ZBTB20: variants seen among roughly 807,000 people sequenced by gnomAD.
The protein encoded by ZBTB20 is zinc finger and BTB domain-containing protein 20.
ZBTB20 carries 9 observed loss-of-function variants against 56.9 expected under a neutral mutation model. That is an observed-to-expected ratio of 0.16 (90% CI 0.10 to 0.28). The LOEUF (loss-of-function observed/expected upper bound fraction) is 0.28, where lower values mean the gene tolerates loss of function less well. Among genes scored for constraint, ZBTB20 ranks in the 10% least tolerant of loss-of-function variants. ZBTB20 has a pLI of 1.00. For missense variants in ZBTB20, 655 were observed against 1,003.0 expected (o/e 0.65, Z 4.69); for synonymous variants, 417 against 420.7 (o/e 0.99, Z 0.11).
chr3:115,140,753 G>C (rs1165490136), intron 1 of ZBTB20, among the ~76,000 whole-genome samples: 1 of 152,062 alleles, frequency 6.6e-6, no homozygotes, highest in African/African-American at 2.4e-5. Flanking sequence ...TGGGTACCAA[G>C]AGTTTCAAAA....
At chr3:115,061,399 T>C (rs2082006304) in intron 2 of ZBTB20, among the ~76,000 whole-genome samples, 1 of 152,154 alleles carries the variant, frequency 6.6e-6, no homozygotes, top group East Asian at 1.9e-4. Flanking sequence ...ATGCAAGTTT[T>C]TAAAAAAATT....
intron 6 of ZBTB20, among the ~76,000 whole-genome samples, chr3:114,578,772 G>C (rs2054346981): frequency 6.6e-6 from 1 of 151,200 alleles, no homozygotes; most frequent in Non-Finnish European, 1.5e-5. Flanking sequence ...ATTACCCAAG[G>C]TCCTCATTAA....
intron 7 of ZBTB20, among the ~76,000 whole-genome samples, chr3:114,390,774 G>A (rs2085787936): frequency 6.6e-6 from 1 of 152,320 alleles, no homozygotes; most frequent in East Asian, 1.9e-4. Flanking sequence ...TAGCATCTAT[G>A]AGGCACCTGG....
At position 114,319,961 on chromosome 3, in the gene ZBTB20, G is replaced by C. The variant is rs1238977325; in HGVS notation, c.*19044C>G. The stretch of plus-strand genomic sequence containing the variant: ...TGTGGAAATCCAGTGGTATGAGGAA[G>C]GCTGGGGTTATTTCCTCCATACTTT... On this transcript the variant is annotated 3_prime_UTR_variant, in exon 12 of 12. Coordinates refer to ENST00000675478, the MANE Select transcript of ZBTB20 (RefSeq NM_001348800.3). 1 of 152,094 alleles carries C rather than the reference G, an allele frequency of 6.6e-6. No homozygotes were observed. The highest frequency in any genetic ancestry group is 6.6e-5 in the Admixed American group (1 of 15,266). The allele number at this position is 152,094 out of a possible 1,614,324, so 9.4% of individuals were successfully genotyped here. A position where few individuals can be genotyped will look rare whatever the true frequency, so the allele number is the denominator to read the frequency against.
At chr3:115,020,378 T>A (rs577718652) in intron 2 of ZBTB20, among the ~76,000 whole-genome samples, 1 of 151,246 alleles carries the variant, frequency 6.6e-6, no homozygotes, top group South Asian at 2.1e-4. Flanking sequence ...TTAAATCCCA[T>A]GAAAGTAGCT....
chr3:115,013,906 A>ATG (rs1201506234), intron 2 of ZBTB20, among the ~76,000 whole-genome samples: 5 of 106,390 alleles, frequency 4.7e-5, no homozygotes, highest in Non-Finnish European at 6.7e-5. Flanking sequence ...AGCAATCCCT[A>ATG]TATGTGTGTG....
At chr3:114,830,633 A>T (rs2073789301) in intron 4 of ZBTB20, among the ~76,000 whole-genome samples, 1 of 151,956 alleles carries the variant, frequency 6.6e-6, no homozygotes, top group South Asian at 2.1e-4. Flanking sequence ...AGATTAGTAC[A>T]ATTATCCCAA....
chr3:115,004,964 CCA>C (rs1404897041), intron 2 of ZBTB20, among the ~76,000 whole-genome samples: 2 of 151,380 alleles, frequency 1.3e-5, no homozygotes, highest in Non-Finnish European at 3.0e-5. Flanking sequence ...CCATTTCTTT[CCA>C]AATGTTAAAC....
chr3:114,631,382 CTTTTTTTTT>C lies in ZBTB20; in HGVS notation c.-295+62137_-295+62145del, dbSNP rs66470152. ...TGGGGTGGCTCTTAAATAGGTTATT[CTTTTTTTTT>C]TTTTTTTTTTTTTTTTTTTGAGATG... On this transcript the variant is annotated intron_variant, in intron 6 of 11. Coordinates refer to ENST00000675478, the MANE Select transcript of ZBTB20 (RefSeq NM_001348800.3). Among the ~76,000 whole-genome samples the C allele has an allele frequency of 9.5e-3, 471 of 49,814 alleles. 4 individuals are homozygous for C. The highest frequency in any genetic ancestry group is 0.091 in the Middle Eastern group (2 of 22). 32.7% of individuals were successfully genotyped at this position (49,814 alleles called of 152,430 possible). A position where few individuals can be genotyped will look rare whatever the true frequency, so the allele number is the denominator to read the frequency against.
chr3:114,841,753 C>T (rs924767438), intron 4 of ZBTB20, among the ~76,000 whole-genome samples: 3 of 152,094 alleles, frequency 2.0e-5, no homozygotes, highest in Non-Finnish European at 4.4e-5. Context: ...GTCTGTGAGT[C>T]ATCCAAGAGA....
At chr3:114,480,594 G>A (rs2041421957) in intron 7 of ZBTB20, among the ~76,000 whole-genome samples, 1 of 152,138 alleles carries the variant, frequency 6.6e-6, no homozygotes, top group Non-Finnish European at 1.5e-5. Context: ...AGCAAAGGGT[G>A]GTCAGGTTTG....
intron 5 of ZBTB20, among the ~76,000 whole-genome samples, chr3:114,727,828 T>A (rs2065420525): frequency 6.6e-6 from 1 of 152,116 alleles, no homozygotes. Context: ...GCTATATAAT[T>A]ACAAAGTATA....
At chr3:114,787,389 A>ACACC (rs2070622500) in intron 5 of ZBTB20, among the ~76,000 whole-genome samples, 1 of 146,452 alleles carries the variant, frequency 6.8e-6, no homozygotes, top group African/African-American at 2.5e-5. Context: ...ACACACACAC[A>ACACC]CACATATATA....
chr3:114,702,207 G>A (rs1042919689), intron 5 of ZBTB20, among the ~76,000 whole-genome samples: 3 of 152,088 alleles, frequency 2.0e-5, no homozygotes, highest in Admixed American at 6.6e-5. Flanking sequence ...AGCAGGCATG[G>A]TGGCACGTGC....
At position 114,331,105 on chromosome 3, in the gene ZBTB20, A is replaced by ATGTGTG. The variant is rs58242110; in HGVS notation, c.*7894_*7899dup. 5,548 of 148,596 alleles carry ATGTGTG rather than the reference A, an allele frequency of 0.037. 135 individuals are homozygous for ATGTGTG. Among genetic ancestry groups the ATGTGTG allele is most frequent in the African/African-American group, 0.071 (2,885 of 40,724 alleles). 9.2% of individuals were successfully genotyped at this position (148,596 alleles called of 1,614,324 possible). A position where few individuals can be genotyped will look rare whatever the true frequency, so the allele number is the denominator to read the frequency against. ...AAGCTTTAGTTTGAGAATAAAATTT[A>ATGTGTG]TGTGTGTGTGTGTGTGTGTGTGTGT... is the stretch of plus-strand genomic sequence containing the variant. On this transcript the variant is annotated 3_prime_UTR_variant, in exon 12 of 12. Coordinates refer to ENST00000675478, the MANE Select transcript of ZBTB20 (RefSeq NM_001348800.3).
chr3:114,865,058 C>T (rs1242200436), intron 4 of ZBTB20, among the ~76,000 whole-genome samples: 11 of 152,062 alleles, frequency 7.2e-5, no homozygotes, highest in East Asian at 3.8e-4. Context: ...TCTTGAAAAA[C>T]GAATCAGAAA....
intron 6 of ZBTB20, among the ~76,000 whole-genome samples, chr3:114,650,818 A>C (rs1235451166): frequency 6.6e-6 from 1 of 152,006 alleles, no homozygotes; most frequent in Non-Finnish European, 1.5e-5. Context: ...AAATTGGTAC[A>C]TTATAACATT....
intron 7 of ZBTB20, among the ~76,000 whole-genome samples, chr3:114,414,481 G>T (rs2088309941): frequency 6.6e-6 from 1 of 152,008 alleles, no homozygotes; most frequent in East Asian, 1.9e-4. Context: ...ACATTTTGAA[G>T]AAAATTTAAG....
chr3:114,762,958 T>A (rs2068540325), intron 5 of ZBTB20, among the ~76,000 whole-genome samples: 1 of 152,164 alleles, frequency 6.6e-6, no homozygotes, highest in African/African-American at 2.4e-5. Context: ...GACAGACACA[T>A]TTCAAAGTAG....
Sources: allele counts gnomAD v4.1 joint callset (sites outside exome capture counted in the v4.1 genomes callset), GRCh38; gene constraint gnomAD v4.1.1; transcripts MANE v1.5; gene names NCBI Gene and HGNC (gene_info 2026-07-23, HGNC 2026-07-21).